Variants in PCCA observed in about 807,000 individuals in gnomAD.
PCCA encodes propionyl-CoA carboxylase alpha chain, mitochondrial.
A neutral mutation model predicts 101.3 loss-of-function variants in PCCA; 74 were observed. The observed-to-expected ratio is 0.73, with a 90% confidence interval of 0.61 to 0.89. PCCA has a LOEUF of 0.89. PCCA is among the 40% of genes least tolerant of loss of function. The pLI is 0.00. For synonymous variants in PCCA, 294 were observed against 313.6 expected (o/e 0.94, Z 0.66); for missense variants, 891 against 907.0 (o/e 0.98, Z 0.23).
chr13:100,310,291 T>G (rs972233762), intron 16 of PCCA, among the ~76,000 whole-genome samples: 1 of 152,200 alleles, frequency 6.6e-6, no homozygotes, highest in Admixed American at 6.5e-5. Context: ...CGAGTTTAGA[T>G]AGACATAAAT....
intron 6 of PCCA, among the ~76,000 whole-genome samples, chr13:100,184,348 A>G (rs2057060657): frequency 6.6e-6 from 1 of 152,216 alleles, no homozygotes; most frequent in Admixed American, 6.5e-5. Flanking sequence ...TAATGAACAA[A>G]TGAATAAGAG....
At chr13:100,527,543 T>C (rs1473141244) in intron 22 of PCCA, 132 bp from the exon 23 acceptor site, 4 of 716,008 alleles carry the variant, frequency 5.6e-6, no homozygotes, top group Non-Finnish European at 1.0e-5. Context: ...TAGGAAACAT[T>C]AGAGATTGTT....
chr13:100,408,255 CCCTTACCAGTTGTGAAG>C (rs1479302340), intron 19 of PCCA, among the ~76,000 whole-genome samples: 1 of 152,198 alleles, frequency 6.6e-6, no homozygotes, highest in Non-Finnish European at 1.5e-5. Context: ...ATGTCCCCAG[CCCTTACCAGTTGTGAAG>C]CCAGCAAGTC....
intron 6 of PCCA, among the ~76,000 whole-genome samples, chr13:100,190,752 AG>A (rs1409160452): frequency 6.6e-6 from 1 of 152,070 alleles, no homozygotes; most frequent in African/African-American, 2.4e-5. Context: ...GCTTGAGCCT[AG>A]GAGTTTGGGA....
intron 1 of PCCA, among the ~76,000 whole-genome samples, chr13:100,093,727 A>C (rs1412319536): frequency 6.6e-6 from 1 of 150,598 alleles, no homozygotes; most frequent in Non-Finnish European, 1.5e-5. Context: ...CAGCCTAGGC[A>C]ACATAATGAT....
Position 100,530,176 on chromosome 13 carries a change from A to C in PCCA, c.*10A>C, listed in dbSNP as rs1316365049. 1.2e-6 allele frequency: 2 copies of C among 1,606,820 alleles called. No individual in the cohort carries two copies. The highest frequency in any genetic ancestry group is 2.7e-5 in the African/African-American group (2 of 74,744). ...CGTGGAGCTGGAATGAAGGATTTATAACCTTTCAGTCATCACCCAATTTAA... is the reference window on the plus strand; with the variant it reads ...CGTGGAGCTGGAATGAAGGATTTATCACCTTTCAGTCATCACCCAATTTAA... On this transcript the variant is annotated 3_prime_UTR_variant, in exon 24 of 24. Transcript: ENST00000376285.
chr13:100,254,287 G>T (rs751496837), intron 8 of PCCA, among the ~76,000 whole-genome samples: 4 of 152,112 alleles, frequency 2.6e-5, no homozygotes, highest in Non-Finnish European at 4.4e-5. Context: ...ATGAGATTTG[G>T]GTGGGGACAC....
chr13:100,303,246 A>G (rs958840442), intron 14 of PCCA, among the ~76,000 whole-genome samples: 1 of 152,184 alleles, frequency 6.6e-6, no homozygotes, highest in Non-Finnish European at 1.5e-5. Context: ...AGTGTTCCCA[A>G]TTCTTTCGAA....
intron 6 of PCCA, among the ~76,000 whole-genome samples, chr13:100,167,438 T>A (rs1404652239): frequency 6.6e-6 from 1 of 152,090 alleles, no homozygotes; most frequent in Admixed American, 6.6e-5. Context: ...TAGTCCTAGC[T>A]GCTTGGGAGG....
intron 2 of PCCA, among the ~76,000 whole-genome samples, chr13:100,110,502 A>G (rs992192155): frequency 6.6e-6 from 1 of 152,216 alleles, no homozygotes; most frequent in South Asian, 2.1e-4. Flanking sequence ...AGGTCTCTAG[A>G]TAAACACAGG....
At chr13:100,240,150 T>A (rs1279113073) in intron 8 of PCCA, among the ~76,000 whole-genome samples, 2 of 152,172 alleles carry the variant, frequency 1.3e-5, no homozygotes, top group East Asian at 3.9e-4. Flanking sequence ...AGAACAAGGA[T>A]ATATTTCATC....
rs3058594 is a variant in PCCA at position 100,342,713 on chromosome 13, CT to C, written c.1643+2465del. ...TTCTTCAGATTGCTTTTTTGGTAAA[CT>C]TTTTTTTTTTCTTTTCTTTTTAGAG... On this transcript the variant is annotated intron_variant, in intron 18 of 23. Transcript: ENST00000376285. 5.7e-3 allele frequency among the ~76,000 whole-genome samples: 856 copies of C among 148,950 alleles called. 13 individuals are homozygous for C. Among genetic ancestry groups the C allele is most frequent in the East Asian group, 0.039 (192 of 4,944 alleles).
intron 18 of PCCA, among the ~76,000 whole-genome samples, chr13:100,350,147 A>C (rs2073088331): frequency 6.6e-6 from 1 of 152,206 alleles, no homozygotes; most frequent in South Asian, 2.1e-4. Context: ...AATAATTCCC[A>C]AGGAAAAGCC....
chr13:100,127,165 T>G (rs1427155550), intron 4 of PCCA, among the ~76,000 whole-genome samples: 1 of 152,228 alleles, frequency 6.6e-6, no homozygotes, highest in Non-Finnish European at 1.5e-5. Context: ...GCAGGATTTA[T>G]ATCAGTATCT....
At chr13:100,204,913 C>T (rs1422088287) in intron 6 of PCCA, among the ~76,000 whole-genome samples, 1 of 152,070 alleles carries the variant, frequency 6.6e-6, no homozygotes, top group South Asian at 2.1e-4. Context: ...CCTGGCTCAG[C>T]CTTCCAAGTA....
At chr13:100,186,546 T>A (rs6491550) in intron 6 of PCCA, among the ~76,000 whole-genome samples, 123,157 of 151,850 alleles carry the variant, frequency 0.81, 50,232 homozygotes, top group East Asian at 0.99. Context: ...GTTTGAGACC[T>A]CCCTGGGCAA....
At chr13:100,247,391 T>A (rs991803220) in intron 8 of PCCA, among the ~76,000 whole-genome samples, 1 of 150,426 alleles carries the variant, frequency 6.6e-6, no homozygotes, top group African/African-American at 2.5e-5. Flanking sequence ...TAATTTTTTG[T>A]ATTTTCAGTA....
At chr13:100,430,365 C>T (rs1397274922) in intron 20 of PCCA, among the ~76,000 whole-genome samples, 1 of 152,124 alleles carries the variant, frequency 6.6e-6, no homozygotes, top group Non-Finnish European at 1.5e-5. Flanking sequence ...TGAAGAACAC[C>T]ATTATGAGTT....
intron 21 of PCCA, among the ~76,000 whole-genome samples, chr13:100,506,386 G>A (rs1472585560): frequency 2.0e-5 from 3 of 151,666 alleles, no homozygotes; most frequent in East Asian, 1.9e-4. Flanking sequence ...GGCGGGGGTG[G>A]GGGCGGGGGC....
Sources: gnomAD v4.1 joint callset for allele counts (sites outside exome capture counted in the v4.1 genomes callset) on GRCh38, gnomAD v4.1.1 for gene constraint, MANE v1.5 for transcripts, NCBI Gene and HGNC (gene_info 2026-07-23, HGNC 2026-07-21) for gene names.